ZNF44: variants seen among roughly 807,000 people sequenced by gnomAD.
The protein encoded by ZNF44 is gonadotropin inducible transcription repressor-2.
ZNF44 carries 9 observed loss-of-function variants against 11.7 expected under a neutral mutation model. That is an observed-to-expected ratio of 0.77 (90% CI 0.46 to 1.35). The LOEUF (loss-of-function observed/expected upper bound fraction) is 1.35. Ranked by LOEUF, ZNF44 falls within the 40% of genes most tolerant of loss-of-function variation. The probability of loss-of-function intolerance (pLI) is 0.00; values close to 1 mark genes in which losing one functional copy is unlikely to be tolerated. For missense variants in ZNF44, 696 were observed against 743.1 expected, an observed-to-expected ratio of 0.94 and a Z score of 0.74; for synonymous variants, 224 against 242.7, an observed-to-expected ratio of 0.92 and a Z score of 0.72.
intron 1 of ZNF44, chr19:12,284,512 T>C: frequency 4.4e-6 from 3 of 686,586 alleles, no homozygotes; most frequent in Non-Finnish European, 2.7e-6. Flanking sequence ...CTGGGCTGCC[T>C]GGTCAAGGAC....
At chr19:12,231,179 T>C (rs1916148722) in intron 2 of ZNF44, among the ~76,000 whole-genome samples, 1 of 152,164 alleles carries the variant, frequency 6.6e-6, no homozygotes, top group Non-Finnish European at 1.5e-5. Flanking sequence ...TTTCTCATCT[T>C]ACCTCCACCT....
chr19:12,285,576 A>G (rs1440651233), intron 1 of ZNF44, among the ~76,000 whole-genome samples: 1 of 152,182 alleles, frequency 6.6e-6, no homozygotes, highest in Non-Finnish European at 1.5e-5. Context: ...TAATCCACAC[A>G]TGCTATTATG....
chr19:12,254,195 A>G (rs1361811663), intron 5 of ZNF44, among the ~76,000 whole-genome samples: 2 of 151,976 alleles, frequency 1.3e-5, no homozygotes, highest in African/African-American at 2.4e-5. Context: ...AAACACTTTA[A>G]CAAACTTGAA....
downstream of ZNF44, among the ~76,000 whole-genome samples, chr19:12,246,896 G>A (rs1916780858): frequency 6.6e-6 from 1 of 151,598 alleles, no homozygotes; most frequent in African/African-American, 2.4e-5. Flanking sequence ...GCCCAGTGTG[G>A]TGGCTCATAC....
At chr19:12,265,482 C>A (rs1382109335) in intron 5 of ZNF44, among the ~76,000 whole-genome samples, 1 of 152,158 alleles carries the variant, frequency 6.6e-6, no homozygotes, top group Non-Finnish European at 1.5e-5. Flanking sequence ...CCATCCTTCA[C>A]GCTCTAGTGA....
chr19:12,293,722 A>G (rs1396299959), intron 1 of ZNF44, among the ~76,000 whole-genome samples: 1 of 152,102 alleles, frequency 6.6e-6, no homozygotes, highest in Non-Finnish European at 1.5e-5. Flanking sequence ...CCCCAAGAGG[A>G]GTTAGGATGA....
rs149081596 is a variant in ZNF44, at chr19:12,279,450, G to C, written c.4-3368C>G. 9.5e-4 allele frequency among the ~76,000 whole-genome samples: 144 copies of C among 152,104 alleles called. 1 individual carries two copies. Among genetic ancestry groups the C allele is most frequent in the Middle Eastern group, 6.8e-3 (2 of 294 alleles). The stretch of plus-strand genomic sequence containing the variant: ...AAAATCTGATTTCCAGAGTTACCCA[G>C]TTATAACATTCAAATGTCTCCTTTT... On this transcript the variant is annotated intron_variant, in intron 1 of 3. Transcript: ENST00000355684.
chr19:12,273,172 TAG>T lies in ZNF44; in HGVS notation c.1081_1082del (p.Leu361ArgfsTer5). 3.1e-6 allele frequency: 5 copies of T among 1,614,004 alleles called. No individual in the cohort carries two copies. Among genetic ancestry groups the T allele is most frequent in the Non-Finnish European group, 4.2e-6 (5 of 1,179,906 alleles). On this transcript the variant is annotated frameshift_variant, in exon 4 of 4. Transcript: ENST00000355684. LOFTEE classifies it low-confidence loss of function (END_TRUNC). Reference protein sequence around the residue: ...SARIHEGTHTLEKPYECKQCG... With the variant: ...SARIHEGTHTXEKPYECKQCG... ...ATTGCTTACATTCATAGGGTTTCTC[TAG>T]AGTGTGAGTTCCTTCATGAATTCGT...
intron 5 of ZNF44, chr19:12,260,352 TACGCGCGGACCACCA>T (rs1917454600): frequency 9.3e-7 from 1 of 1,074,452 alleles, no homozygotes; most frequent in African/African-American, 1.6e-5. Flanking sequence ...TGCCACCTCC[TACGCGCGGACCACCA>T]TCAACAAGAA....
rs565083681 is a variant in ZNF44 at position 12,281,123 on chromosome 19, T to C, written c.4-5041A>G. Among the ~76,000 whole-genome samples the C allele has an allele frequency of 1.7e-3, 257 of 152,284 alleles. 1 individual carries two copies. Among genetic ancestry groups the C allele is most frequent in the African/African-American group, 6.1e-3 (254 of 41,568 alleles). On this transcript the variant is annotated intron_variant, in intron 1 of 3. Transcript: ENST00000355684. The stretch of plus-strand genomic sequence containing the variant: ...ATTTAATTGAAACATATTTATAGAA[T>C]CATTCATTCAACAACAGCATACATA...
Position 12,283,630 on chromosome 19 carries a change from G to GA in ZNF44, c.4-7549dup, listed in dbSNP as rs574332648. Among the ~76,000 whole-genome samples the GA allele has an allele frequency of 2.6e-5, 4 of 152,234 alleles. No homozygotes were observed. The East Asian group carries it at 5.8e-4, about 22-fold the overall frequency. On this transcript the variant is annotated intron_variant, in intron 1 of 3. Coordinates refer to ENST00000355684, the MANE Select transcript of ZNF44 (RefSeq NM_016264.4). ...AGGCATAAGCCACCACGCCCAGCCA[G>GA]AAAAAATGTTTTTCTTATTTAACAA...
At chr19:12,275,388 C>G (rs1451947712) in intron 2 of ZNF44, among the ~76,000 whole-genome samples, 1 of 152,108 alleles carries the variant, frequency 6.6e-6, no homozygotes, top group Non-Finnish European at 1.5e-5. Context: ...GTGGCTCATG[C>G]CTGTAATCCC....
At chr19:12,247,141 C>T (rs1417105173), downstream of ZNF44, 1 of 248,152 alleles carries the variant, frequency 4.0e-6, no homozygotes, top group Non-Finnish European at 7.0e-6. Flanking sequence ...TTTTCTAGAG[C>T]ATTCTACCTG....
intron 5 of ZNF44, among the ~76,000 whole-genome samples, chr19:12,255,005 C>A (rs1204518312): frequency 6.6e-6 from 1 of 151,480 alleles, no homozygotes; most frequent in Non-Finnish European, 1.5e-5. Flanking sequence ...ACGGGAATCA[C>A]TTGAACCTGG....
Position 12,263,842 on chromosome 19 carries a change from G to A in ZNF44, c.1912+8645C>T, listed in dbSNP as rs569599971. ...TGGGAGGCTGAGGAAGGAGAATGGC[G>A]TAAACCCAGGAGGCAGAGCTTCCAG... On this transcript the variant is annotated intron_variant and NMD_transcript_variant, in intron 5 of 7. Coordinates refer to the ZNF44 transcript ENST00000393337. 5.3e-5 allele frequency among the ~76,000 whole-genome samples: 8 copies of A among 150,850 alleles called. No individual in the cohort carries two copies. In the East Asian group the frequency reaches 5.9e-4, roughly 11 times the overall value.
Position 12,272,517 on chromosome 19 carries a change from T to C in ZNF44, c.1738A>G (p.Arg580Gly). The C allele has an allele frequency of 6.2e-7, 1 of 1,613,592 alleles. No individual in the cohort carries two copies. Among genetic ancestry groups the C allele is most frequent in the Non-Finnish European group, 8.5e-7 (1 of 1,179,846 alleles). Residue 580 changes from arginine to glycine, a missense_variant, in exon 4 of 4, where the codon AGA becomes GGA. By Grantham distance (125) the Arg-to-Gly change is moderately radical (BLOSUM62 -2). Coordinates refer to ENST00000355684, the MANE Select transcript of ZNF44 (RefSeq NM_016264.4). Reference protein sequence around the residue: ...SRSSFCREHERTHTGEKPYEC... With the variant: ...SRSSFCREHEGTHTGEKPYEC... ...TAGGGCTTCTCTCCAGTGTGAGTTC[T>C]TTCATGTTCTCGACAGAAACTGGAA...
At chr19:12,244,252 G>A (rs1466329826), downstream of ZNF44, among the ~76,000 whole-genome samples, 1 of 152,070 alleles carries the variant, frequency 6.6e-6, no homozygotes, top group African/African-American at 2.4e-5. Context: ...CCTAGCCTCA[G>A]GCACTCCTCC....
rs1475779957 is a variant in ZNF44 at position 12,272,487 on chromosome 19, A to C, written c.1768T>G (p.Cys590Gly). 1 of 1,608,620 alleles carries C rather than the reference A, an allele frequency of 6.2e-7. No individual in the cohort carries two copies. Among genetic ancestry groups the C allele is most frequent in the African/African-American group, 1.3e-5 (1 of 74,570 alleles). The change falls in exon 4 of 4, where the codon TGT becomes GGT. Residue 590 changes from cysteine to glycine, a missense_variant. Coordinates refer to ENST00000355684, the MANE Select transcript of ZNF44 (RefSeq NM_016264.4). ...RTHTGEKPYE[C>G]KECGKAFSSL... Reference sequence around the variant, plus strand: ...CTGAAGGCTTTCCCACATTCCTTACATTCATAGGGCTTCTCTCCAGTGTGA... The same window carrying C: ...CTGAAGGCTTTCCCACATTCCTTACCTTCATAGGGCTTCTCTCCAGTGTGA...
At chr19:12,235,889 G>C (rs1205025467) in intron 1 of ZNF44, among the ~76,000 whole-genome samples, 1 of 152,148 alleles carries the variant, frequency 6.6e-6, no homozygotes, top group Admixed American at 6.5e-5. Context: ...TTCCAAAAGG[G>C]AACCTCAATC....
Sources: gnomAD v4.1 joint callset for allele counts (sites outside exome capture counted in the v4.1 genomes callset) on GRCh38, gnomAD v4.1.1 for gene constraint, MANE v1.5 for transcripts, NCBI Gene and HGNC (gene_info 2026-07-23, HGNC 2026-07-21) for gene names.